CLIP1: variants seen among roughly 807,000 people sequenced by gnomAD.
CLIP1 encodes CAP-Gly domain containing linker protein 1.
CLIP1 carries 66 observed loss-of-function variants against 161.6 expected under a neutral mutation model. The observed-to-expected ratio is 0.41, with a 90% CI of 0.33 to 0.50. The LOEUF is 0.50. CLIP1 is among the 20% of genes least tolerant of loss of function. The pLI is 0.27. For synonymous variants in CLIP1, 598 were observed against 626.2 expected (o/e 0.96, Z 0.67); for missense variants, 1,376 against 1,702.0 (o/e 0.81, Z 3.37).
chr12:122,377,499 G>A lies in CLIP1; in HGVS notation c.547C>T (p.Pro183Ser), dbSNP rs1178068956. The change falls in exon 3 of 26, where the codon CCT becomes TCT. Residue 183 changes from proline (P) to serine (S), a missense_variant. Physicochemically the swap from Pro to Ser is moderately conservative, Grantham distance 74. Coordinates refer to ENST00000620786, the MANE Select transcript of CLIP1 (RefSeq NM_001247997.2). ...QPAAKEPSAT[P>S]PISNLTKTAS... ...GTTTTTGTAAGGTTGCTGATCGGAGGCGTAGCTGAAGGTTCCTTTGCTGCT... is the reference window on the plus strand; with the variant it reads ...GTTTTTGTAAGGTTGCTGATCGGAGACGTAGCTGAAGGTTCCTTTGCTGCT... 6.2e-7 allele frequency: 1 copy of A among 1,614,022 alleles called. No homozygotes were observed.
intron 1 of CLIP1, chr12:122,400,898 C>T (rs1956118689): frequency 7.0e-6 from 1 of 142,288 alleles, no homozygotes; most frequent in South Asian, 2.2e-4. Flanking sequence ...TACAGGGTTT[C>T]CCAACTCCGG....
intron 1 of CLIP1, among the ~76,000 whole-genome samples, chr12:122,417,667 C>G (rs1956802676): frequency 6.6e-6 from 1 of 151,902 alleles, no homozygotes. Flanking sequence ...CACCCGCCAC[C>G]AAGCCTGGCT....
chr12:122,420,498 C>G (rs1956903979), intron 1 of CLIP1, among the ~76,000 whole-genome samples: 1 of 152,290 alleles, frequency 6.6e-6, no homozygotes, highest in South Asian at 2.1e-4. Flanking sequence ...GGCAAAATAC[C>G]TACCCAGGGT....
chr12:122,340,250 T>C (rs1952436148), intron 11 of CLIP1, among the ~76,000 whole-genome samples: 2 of 152,080 alleles, frequency 1.3e-5, no homozygotes, highest in Non-Finnish European at 2.9e-5. Flanking sequence ...CAGGCTAATT[T>C]TGTATTTTTA....
At chr12:122,301,721 C>A (rs1269854384) in intron 20 of CLIP1, among the ~76,000 whole-genome samples, 1 of 152,200 alleles carries the variant, frequency 6.6e-6, no homozygotes, top group Non-Finnish European at 1.5e-5. Flanking sequence ...ATAAACCCCA[C>A]AGCTGTGTGC....
intron 1 of CLIP1, among the ~76,000 whole-genome samples, chr12:122,390,167 T>G (rs1257222713): frequency 2.8e-5 from 1 of 35,652 alleles, no homozygotes; most frequent in Non-Finnish European, 6.1e-5. Context: ...AATTACACAG[T>G]CTCAGATATA....
chr12:122,392,065 G>A (rs903293280), intron 1 of CLIP1, among the ~76,000 whole-genome samples: 45 of 152,140 alleles, frequency 3.0e-4, no homozygotes, highest in African/African-American at 1.1e-3. Context: ...AAGTCCAGGA[G>A]TTTGAGACCA....
chr12:122,316,960 AGTCACTCG>A, intron 18 of CLIP1, 105 bp from the exon 19 acceptor site: 1 of 701,548 alleles, frequency 1.4e-6, no homozygotes, highest in Non-Finnish European at 2.3e-6. Context: ...AGATGAAATT[AGTCACTCG>A]CAAAAAAAAA....
chr12:122,411,791 C>A (rs1056700806), intron 1 of CLIP1, among the ~76,000 whole-genome samples: 1 of 151,966 alleles, frequency 6.6e-6, no homozygotes, highest in African/African-American at 2.4e-5. Context: ...GGAGTGACTG[C>A]TAATGGATAC....
chr12:122,398,591 G>C (rs1956021514), intron 1 of CLIP1, among the ~76,000 whole-genome samples: 1 of 152,072 alleles, frequency 6.6e-6, no homozygotes. Context: ...AGTTTGCCCA[G>C]GCATGGTGGC....
At chr12:122,291,676 TAC>T (rs1173435747) in intron 20 of CLIP1, among the ~76,000 whole-genome samples, 1 of 152,122 alleles carries the variant, frequency 6.6e-6, no homozygotes, top group Admixed American at 6.6e-5. Flanking sequence ...TATCAGGAGG[TAC>T]ACACTGTTGA....
chr12:122,325,788 G>C (rs185612575), intron 17 of CLIP1, among the ~76,000 whole-genome samples: 1 of 152,262 alleles, frequency 6.6e-6, no homozygotes, highest in East Asian at 1.9e-4. Flanking sequence ...TGAGTAGCTG[G>C]GACTACAGGT....
intron 1 of CLIP1, among the ~76,000 whole-genome samples, chr12:122,420,920 T>C (rs991593468): frequency 1.3e-5 from 2 of 151,564 alleles, no homozygotes; most frequent in Non-Finnish European, 2.9e-5. Context: ...GGGGGACAGA[T>C]TGAGGCTCCC....
At chr12:122,353,962 A>G (rs1953190923) in intron 7 of CLIP1, among the ~76,000 whole-genome samples, 1 of 152,012 alleles carries the variant, frequency 6.6e-6, no homozygotes, top group African/African-American at 2.4e-5. Context: ...AAACTTATTG[A>G]AAAAAGTCAA....
At position 122,372,793 on chromosome 12, in the gene CLIP1, T is replaced by C. The variant is rs536042618; in HGVS notation, c.657+4596A>G. On this transcript the variant is annotated intron_variant, in intron 3 of 25. Transcript: ENST00000620786. Reference sequence around the variant, plus strand: ...CAAAACAGCAAATCCTGCCACTAACTACTCCATCAGCAATCTAGGCAAATG... The same window carrying C: ...CAAAACAGCAAATCCTGCCACTAACCACTCCATCAGCAATCTAGGCAAATG... Among the ~76,000 whole-genome samples the C allele has an allele frequency of 6.6e-5, 10 of 152,196 alleles. No individual in the cohort carries two copies. In the East Asian group the frequency reaches 1.9e-3, roughly 29 times the overall value.
chr12:122,278,489 C>T (rs1263198768), intron 23 of CLIP1: 3 of 531,922 alleles, frequency 5.6e-6, no homozygotes, highest in Non-Finnish European at 9.9e-6. Flanking sequence ...GGCAATCCAC[C>T]CTTCTTCACC....
intron 1 of CLIP1, among the ~76,000 whole-genome samples, chr12:122,402,925 A>G (rs143107917): frequency 2.5e-4 from 38 of 152,318 alleles, no homozygotes; most frequent in Non-Finnish European, 5.0e-4. Flanking sequence ...CTTACAGCAC[A>G]CCTCAATTTG....
Position 122,392,129 on chromosome 12 carries a change from T to C in CLIP1, c.-106-11571A>G, listed in dbSNP as rs546147109. Among the ~76,000 whole-genome samples, 117 of 151,984 alleles carry C rather than the reference T, an allele frequency of 7.7e-4. 3 individuals are homozygous for C. In the South Asian group the frequency reaches 0.023, roughly 30 times the overall value. Reference sequence around the variant, plus strand: ...TCTACAAAAAAATACAAATTAACTGTGTGTGGTGGATCACGCCTATAGAGC... The same window carrying C: ...TCTACAAAAAAATACAAATTAACTGCGTGTGGTGGATCACGCCTATAGAGC... On this transcript the variant is annotated intron_variant, in intron 1 of 25. Transcript: ENST00000620786.
intron 21 of CLIP1, among the ~76,000 whole-genome samples, chr12:122,285,845 T>C (rs1360757977): frequency 1.3e-5 from 2 of 151,898 alleles, no homozygotes; most frequent in Non-Finnish European, 2.9e-5. Flanking sequence ...TGATAACTCC[T>C]TACATAAGGG....
Sources: gnomAD v4.1 joint callset for allele counts (sites outside exome capture counted in the v4.1 genomes callset) on GRCh38, gnomAD v4.1.1 for gene constraint, MANE v1.5 for transcripts, NCBI Gene and HGNC (gene_info 2026-07-23, HGNC 2026-07-21) for gene names.